The following FAM78A variants were observed in gnomAD, a reference collection of about 807,000 sequenced individuals.
FAM78A encodes protein FAM78A.
FAM78A carries 12 observed loss-of-function variants against 22.6 expected under a neutral mutation model. The ratio of observed to expected loss-of-function variants is 0.53; its 90% confidence interval spans 0.34 to 0.86. The LOEUF (loss-of-function observed/expected upper bound fraction) is 0.86, where lower values mean the gene tolerates loss of function less well. Ranked by LOEUF, FAM78A falls within the 40% of genes least tolerant of loss-of-function variation. FAM78A has a pLI of 0.02. For synonymous variants in FAM78A, 151 were observed against 155.8 expected, an observed-to-expected ratio of 0.97 and a Z score of 0.23; for missense variants, 322 against 396.1, an observed-to-expected ratio of 0.81 and a Z score of 1.59.
At chr9:131,269,070 C>T (rs915382275) in intron 1 of FAM78A, among the ~76,000 whole-genome samples, 4 of 144,150 alleles carry the variant, frequency 2.8e-5, no homozygotes, top group African/African-American at 7.8e-5. Flanking sequence ...CACTGCACTC[C>T]AGCCTGGGCG....
At position 131,260,941 on chromosome 9, in the gene FAM78A, T is replaced by C; in HGVS notation, c.733A>G (p.Lys245Glu). ...GCGCTGGGCGGGATGGGCTCATTCTTGCTCAGGATTTTGGGCTGGTCCTGG... is the reference window on the plus strand; with the variant it reads ...GCGCTGGGCGGGATGGGCTCATTCTCGCTCAGGATTTTGGGCTGGTCCTGG... ...IAQDQPKILS[K>E]NEPIPPSALV... Residue 245 changes from lysine (K) to glutamate (E), a missense_variant, in exon 2 of 2, where the codon AAG (lysine) becomes GAG (glutamate). Transcript: ENST00000372271. The surrounding 1 kb of genome is among the most constrained non-coding windows in gnomAD (Gnocchi z 5.4). The C allele has an allele frequency of 6.2e-7, 1 of 1,608,198 alleles. No homozygotes were observed. The highest frequency in any genetic ancestry group is 8.5e-7 in the Non-Finnish European group (1 of 1,176,058).
chr9:131,280,867 A>G (rs1008601002), upstream of FAM78A, among the ~76,000 whole-genome samples: 3 of 152,230 alleles, frequency 2.0e-5, no homozygotes, highest in African/African-American at 7.2e-5. Flanking sequence ...TGATCCAGAG[A>G]AACCCAGGGA....
At chr9:131,277,729 GGGGGGCGGCC>G (rs1358226058), upstream of FAM78A, among the ~76,000 whole-genome samples, 1 of 151,200 alleles carries the variant, frequency 6.6e-6, no homozygotes, top group Non-Finnish European at 1.5e-5. This position sits in a 1 kb window ranked among gnomAD's most constrained non-coding sequence, Gnocchi z 8.4. Context: ...TGGGGCTTCG[GGGGGGCGGCC>G]GGGGGCGGAG....
chr9:131,266,742 C>T (rs1835351423), intron 1 of FAM78A, among the ~76,000 whole-genome samples: 1 of 152,216 alleles, frequency 6.6e-6, no homozygotes, highest in African/African-American at 2.4e-5. Flanking sequence ...GACCACGAGG[C>T]CGTGAGGGCA....
chr9:131,266,360 G>A (rs1409739200), intron 1 of FAM78A, among the ~76,000 whole-genome samples: 1 of 152,272 alleles, frequency 6.6e-6, no homozygotes, highest in Non-Finnish European at 1.5e-5. Flanking sequence ...GCACACACAC[G>A]TGCATGTACA....
chr9:131,260,947 G>C lies in FAM78A; in HGVS notation c.727C>G (p.Leu243Val), dbSNP rs758321231. Residue 243 changes from leucine to valine, a missense_variant, in exon 2 of 2, where the codon CTG becomes GTG. Leu to Val is a conservative substitution (Grantham distance 32). Transcript: ENST00000372271. The surrounding 1 kb of genome is among the most constrained non-coding windows in gnomAD (Gnocchi z 5.4). Reference protein sequence around the residue: ...EPIAQDQPKILSKNEPIPPSA... With the variant: ...EPIAQDQPKIVSKNEPIPPSA... ...GGCGGGATGGGCTCATTCTTGCTCA[G>C]GATTTTGGGCTGGTCCTGGGCGATG... The C allele has an allele frequency of 3.1e-6, 5 of 1,609,880 alleles. No homozygotes were observed. The highest frequency in any genetic ancestry group is 4.2e-6 in the Non-Finnish European group (5 of 1,177,400).
intron 1 of FAM78A, chr9:131,270,527 G>A: frequency 1.4e-6 from 1 of 715,178 alleles, no homozygotes; most frequent in East Asian, 2.7e-5. Flanking sequence ...CTTGGCCAGG[G>A]CTGGTCCTGG....
chr9:131,275,935 T>C lies in FAM78A; in HGVS notation c.245A>G (p.Lys82Arg), dbSNP rs377297897. 2.5e-5 allele frequency: 41 copies of C among 1,613,346 alleles called. No homozygotes were observed. In the African/African-American group the frequency reaches 5.3e-4, roughly 21 times the overall value. Residue 82 changes from lysine to arginine, a missense_variant, in exon 1 of 2, where the codon AAG becomes AGG. Physicochemically the swap from Lys to Arg is conservative, Grantham distance 26. Transcript: ENST00000372271. This position sits in a 1 kb window ranked among gnomAD's most constrained non-coding sequence, Gnocchi z 4.6. ...CCAGCCAACTACCCAAGTCTCCTTC[T>C]TGGGGATGGGCGGCATGACCACCTG... is the stretch of plus-strand genomic sequence containing the variant. ...SAQVVMPPIP[K>R]KETWVVGWIQ... is the part of the protein sequence containing the mutation.
chr9:131,276,453 T>G lies in FAM78A; in HGVS notation c.-274A>C. 3.2e-6 allele frequency: 1 copy of G among 311,364 alleles called. No homozygotes were observed. Among genetic ancestry groups the G allele is most frequent in the Non-Finnish European group, 5.9e-6 (1 of 168,112 alleles). The allele number at this position is 311,364 out of a possible 1,614,324, so 19.3% of individuals were successfully genotyped here. ...ATTATGCGGTTCTGACATCCAGCCC[T>G]TCTGTGCCTCACACGCGGGGACGGC... On this transcript the variant is annotated 5_prime_UTR_variant, in exon 1 of 2. Coordinates refer to ENST00000372271, the MANE Select transcript of FAM78A (RefSeq NM_033387.4). This position sits in a 1 kb window ranked among gnomAD's most constrained non-coding sequence, Gnocchi z 4.3.
chr9:131,260,789 TTG>T lies in FAM78A; in HGVS notation c.*31_*32del. The T allele has an allele frequency of 6.6e-7, 1 of 1,507,564 alleles. No individual in the cohort carries two copies. Among genetic ancestry groups the T allele is most frequent in the Admixed American group, 2.3e-5 (1 of 43,450 alleles). The allele number at this position is 1,507,564 out of a possible 1,614,324, so 93.4% of individuals were successfully genotyped here. A position where few individuals can be genotyped will look rare whatever the true frequency, so the allele number is the denominator to read the frequency against. ...GTTTTGTTTTCAGCGGTATTATTAT[TTG>T]TGAGTCTAACCTAGCGGGTGGTCCT... On this transcript the variant is annotated 3_prime_UTR_variant, in exon 2 of 2. Coordinates refer to ENST00000372271, the MANE Select transcript of FAM78A (RefSeq NM_033387.4). The surrounding 1 kb of genome is among the most constrained non-coding windows in gnomAD (Gnocchi z 5.4).
chr9:131,266,936 C>A (rs1194739324), intron 1 of FAM78A, among the ~76,000 whole-genome samples: 1 of 152,242 alleles, frequency 6.6e-6, no homozygotes, highest in Non-Finnish European at 1.5e-5. Context: ...TGAGCTTCTG[C>A]TTATCCTGCA....
chr9:131,267,706 A>T (rs985286370), intron 1 of FAM78A, among the ~76,000 whole-genome samples: 4 of 152,192 alleles, frequency 2.6e-5, no homozygotes, highest in African/African-American at 9.6e-5. Flanking sequence ...ACCTCCTACA[A>T]GTGGCTCACA....
In FAM78A at chr9:131,261,162, G is replaced by A; in HGVS notation, c.512C>T (p.Pro171Leu). The A allele has an allele frequency of 3.1e-6, 5 of 1,614,142 alleles. No individual in the cohort carries two copies. The highest frequency in any genetic ancestry group is 3.4e-6 in the Non-Finnish European group (4 of 1,180,026). ...NFYPSVTWAV[P>L]VSESNVAKLT... ...CTTGGCCACGTTGCTCTCGCTGACG[G>A]GCACGGCCCATGTGACGCTGGGGTA... is the stretch of plus-strand genomic sequence containing the variant. The change falls in exon 2 of 2, where the codon CCC (proline) becomes CTC (leucine). Residue 171 changes from proline (P) to leucine (L), a missense_variant. Physicochemically the swap from Pro to Leu is moderately conservative, Grantham distance 98 (BLOSUM62 -3). Coordinates refer to ENST00000372271, the MANE Select transcript of FAM78A (RefSeq NM_033387.4). This position sits in a 1 kb window ranked among gnomAD's most constrained non-coding sequence, Gnocchi z 7.1.
upstream of FAM78A, among the ~76,000 whole-genome samples, chr9:131,278,601 G>A (rs758289537): frequency 2.9e-4 from 44 of 152,202 alleles, no homozygotes; most frequent in Non-Finnish European, 4.4e-4. Context: ...TCACAGAGCA[G>A]GCACCCAGAG....
intron 1 of FAM78A, among the ~76,000 whole-genome samples, chr9:131,266,100 G>T (rs531198467): frequency 6.6e-6 from 1 of 152,192 alleles, no homozygotes; most frequent in East Asian, 1.9e-4. Context: ...GCGCCATCCT[G>T]GACTCTCCCT....
At chr9:131,269,621 C>G (rs2131183604) in intron 1 of FAM78A, among the ~76,000 whole-genome samples, 1 of 152,212 alleles carries the variant, frequency 6.6e-6, no homozygotes, top group South Asian at 2.1e-4. Context: ...GGATTAAAGG[C>G]ACGCACCACC....
rs1835220441 is a variant in FAM78A, at chr9:131,258,695, A to G, written c.*2127T>C. On this transcript the variant is annotated 3_prime_UTR_variant, in exon 2 of 2. Transcript: ENST00000372271. ...GGTCCTGTCCCTGCTTTAGTGCAAC[A>G]AAGACCTGAGTGGAGAAGTCTCCAG... The G allele has an allele frequency of 6.6e-6, 1 of 152,290 alleles. No homozygotes were observed. The highest frequency in any genetic ancestry group is 6.5e-5 in the Admixed American group (1 of 15,290). The allele number at this position is 152,290 out of a possible 1,614,324, so 9.4% of individuals were successfully genotyped here. A position where few individuals can be genotyped will look rare whatever the true frequency, so the allele number is the denominator to read the frequency against.
chr9:131,278,575 A>G (rs1835513338), upstream of FAM78A, among the ~76,000 whole-genome samples: 1 of 152,094 alleles, frequency 6.6e-6, no homozygotes, highest in Non-Finnish European at 1.5e-5. Context: ...GTGGAGGGAG[A>G]CTGATGATGT....
Position 131,261,549 on chromosome 9 carries a change from A to G in FAM78A, c.324-199T>C, listed in dbSNP as rs1835270310. ...TCATCACTGCTGCTGTTACAATCAT[A>G]ACCCTCAGACAGAAGAAGGTGGCCG... is the stretch of plus-strand genomic sequence containing the variant. On this transcript the variant is annotated intron_variant, in intron 1 of 1. Coordinates refer to ENST00000372271, the MANE Select transcript of FAM78A (RefSeq NM_033387.4). This position sits in a 1 kb window ranked among gnomAD's most constrained non-coding sequence, Gnocchi z 7.1. 6.6e-6 allele frequency among the ~76,000 whole-genome samples: 1 copy of G among 152,116 alleles called. No homozygotes were observed. Among genetic ancestry groups the G allele is most frequent in the South Asian group, 2.1e-4 (1 of 4,822 alleles).
Sources: allele counts gnomAD v4.1 joint callset (sites outside exome capture counted in the v4.1 genomes callset), GRCh38; gene constraint gnomAD v4.1.1; non-coding constraint Gnocchi (gnomAD v3.1); transcripts MANE v1.5; gene names NCBI Gene and HGNC (gene_info 2026-07-23, HGNC 2026-07-21).